The following CDH18 variants were observed in gnomAD, a reference collection of about 807,000 sequenced individuals.
The protein encoded by CDH18 is cadherin-18.
A neutral mutation model predicts 67.9 loss-of-function variants in CDH18; 31 were observed. The ratio of observed to expected loss-of-function variants is 0.46; its 90% confidence interval spans 0.34 to 0.62. The LOEUF (loss-of-function observed/expected upper bound fraction) is 0.62, where lower values mean the gene tolerates loss of function less well. Among genes scored for constraint, CDH18 ranks in the 20% least tolerant of loss-of-function variants. CDH18 has a pLI of 0.01. For missense variants in CDH18, 890 were observed against 975.5 expected, an observed-to-expected ratio of 0.91 and a Z score of 1.17; for synonymous variants, 362 against 347.2, an observed-to-expected ratio of 1.04 and a Z score of -0.48.
chr5:20,509,832 G>A (rs1362991156), intron 1 of CDH18, among the ~76,000 whole-genome samples: 1 of 152,310 alleles, frequency 6.6e-6, no homozygotes, highest in African/African-American at 2.4e-5. Context: ...GGGCTATTGT[G>A]AATAGTGCTG....
At chr5:20,450,959 A>T (rs1388419224) in intron 1 of CDH18, among the ~76,000 whole-genome samples, 1 of 152,174 alleles carries the variant, frequency 6.6e-6, no homozygotes, top group African/African-American at 2.4e-5. Flanking sequence ...TTATAAAACC[A>T]TCAGATCTAT....
chr5:20,203,059 T>C (rs6878332), intron 2 of CDH18, among the ~76,000 whole-genome samples: 16,248 of 151,968 alleles, frequency 0.11, 1,207 homozygotes, highest in African/African-American at 0.2. Flanking sequence ...AGTAAGAGAA[T>C]TGGACTTCTA....
intron 2 of CDH18, among the ~76,000 whole-genome samples, chr5:20,028,626 A>G (rs1739122077): frequency 6.6e-6 from 1 of 152,264 alleles, no homozygotes; most frequent in Admixed American, 6.5e-5. Flanking sequence ...GATAGTTCCT[A>G]AAGCCACTTA....
intron 5 of CDH18, among the ~76,000 whole-genome samples, chr5:19,651,774 T>G (rs2150270406): frequency 6.6e-6 from 1 of 152,228 alleles, no homozygotes; most frequent in South Asian, 2.1e-4. Context: ...ACAATAATTA[T>G]CAGTCTAAAT....
Position 19,680,750 on chromosome 5 carries a change from C to T in CDH18, c.643+40597G>A, listed in dbSNP as rs114121587. On this transcript the variant is annotated intron_variant, in intron 5 of 12. Transcript: ENST00000382275. ...CACACCAGACAGAATAAAAAAATTA[C>T]AAAGTCTAAAAATATGCTGGTGAGG... is the stretch of plus-strand genomic sequence containing the variant. 6.3e-3 allele frequency among the ~76,000 whole-genome samples: 956 copies of T among 151,730 alleles called. 10 individuals are homozygous for T. The highest frequency in any genetic ancestry group is 0.022 in the African/African-American group (913 of 41,454).
chr5:19,942,595 G>A (rs1466879234), intron 2 of CDH18, among the ~76,000 whole-genome samples: 2 of 152,126 alleles, frequency 1.3e-5, no homozygotes, highest in African/African-American at 2.4e-5. Flanking sequence ...ATGTTTTCCT[G>A]AAACAAGTAA....
rs552413714 is a variant in CDH18, at chr5:19,803,723, T to C, written c.228+35036A>G. The C allele has an allele frequency of 5.9e-5, 9 of 152,348 alleles. No individual in the cohort carries two copies. In the East Asian group the frequency reaches 1.7e-3, roughly 29 times the overall value. 9.4% of individuals were successfully genotyped at this position (152,348 alleles called of 1,614,324 possible). ...AATACATTTCTTATTTTACATTTTA[T>C]TTTATATTTCTGATTAAGCTAGCTA... On this transcript the variant is annotated intron_variant, in intron 3 of 12. Transcript: ENST00000382275.
At chr5:19,972,766 T>C (rs1487163747) in intron 2 of CDH18, among the ~76,000 whole-genome samples, 2 of 151,990 alleles carry the variant, frequency 1.3e-5, no homozygotes, top group Admixed American at 6.6e-5. Context: ...ACAATTCTAC[T>C]TACAATATAC....
intron 3 of CDH18, among the ~76,000 whole-genome samples, chr5:19,837,229 G>A (rs1287372562): frequency 2.0e-5 from 3 of 151,990 alleles, no homozygotes; most frequent in African/African-American, 7.3e-5. Flanking sequence ...TGGACACAGA[G>A]TGGGAAAAAA....
chr5:20,251,175 A>G (rs1349481030), intron 2 of CDH18, among the ~76,000 whole-genome samples: 1 of 152,186 alleles, frequency 6.6e-6, no homozygotes, highest in Non-Finnish European at 1.5e-5. Context: ...GTGTACAATT[A>G]CCTACAGACT....
At chr5:20,072,036 T>G (rs1035708543) in intron 2 of CDH18, among the ~76,000 whole-genome samples, 1 of 152,108 alleles carries the variant, frequency 6.6e-6, no homozygotes, top group African/African-American at 2.4e-5. Context: ...TTAACAAAAC[T>G]AACACAGGAT....
rs562645659 is a variant in CDH18 at position 19,808,881 on chromosome 5, C to T, written c.228+29878G>A. ...GGAAAAGAAATAGAAAATCAGTCTA[C>T]AATTAGTTATAAAGAAAAACAATTT... On this transcript the variant is annotated intron_variant, in intron 3 of 12. Transcript: ENST00000382275. 8.9e-4 allele frequency among the ~76,000 whole-genome samples: 122 copies of T among 137,050 alleles called. 1 individual carries two copies. The highest frequency in any genetic ancestry group is 2.7e-3 in the African/African-American group (100 of 37,618). The allele number at this position is 137,050 out of a possible 152,430, so 89.9% of individuals were successfully genotyped here. A position where few individuals can be genotyped will look rare whatever the true frequency, so the allele number is the denominator to read the frequency against.
At chr5:19,487,348 T>C (rs1740573266) in intron 11 of CDH18, among the ~76,000 whole-genome samples, 1 of 152,192 alleles carries the variant, frequency 6.6e-6, no homozygotes, top group Admixed American at 6.5e-5. Context: ...TCTGCTTCTC[T>C]TTATTGAAAG....
At chr5:19,851,298 A>C (rs1255228146) in intron 2 of CDH18, among the ~76,000 whole-genome samples, 2 of 151,430 alleles carry the variant, frequency 1.3e-5, no homozygotes, top group Admixed American at 6.6e-5. Context: ...CTCTAGGTCT[A>C]TATTTTTGTT....
chr5:19,638,564 T>C (rs1753499465), intron 5 of CDH18, among the ~76,000 whole-genome samples: 1 of 152,006 alleles, frequency 6.6e-6, no homozygotes, highest in Non-Finnish European at 1.5e-5. Flanking sequence ...TTTCTTTTTT[T>C]TTTAATGAGC....
chr5:19,742,407 TAC>T (rs5866397), intron 4 of CDH18, among the ~76,000 whole-genome samples: 49 of 149,278 alleles, frequency 3.3e-4, no homozygotes, highest in Admixed American at 4.7e-4. Context: ...CACGCATGGG[TAC>T]ACACACACAC....
chr5:19,685,105 G>A lies in CDH18; in HGVS notation c.643+36242C>T, dbSNP rs115404013. On this transcript the variant is annotated intron_variant, in intron 5 of 12. Coordinates refer to ENST00000382275, the MANE Select transcript of CDH18 (RefSeq NM_004934.5). ...TCTTGCACTTTAACCTACTTCTGTG[G>A]AACCAAAGAGAAATCAAGGCCCTCT... Among the ~76,000 whole-genome samples, 1,136 of 152,220 alleles carry A rather than the reference G, an allele frequency of 7.5e-3. 15 individuals are homozygous for A. Among genetic ancestry groups the A allele is most frequent in the African/African-American group, 0.026 (1,077 of 41,540 alleles).
At chr5:19,536,056 ATT>A (rs1749363591) in intron 9 of CDH18, among the ~76,000 whole-genome samples, 1 of 152,152 alleles carries the variant, frequency 6.6e-6, no homozygotes, top group Non-Finnish European at 1.5e-5. Context: ...AGCAAATTAT[ATT>A]TATGTATTTA....
intron 2 of CDH18, among the ~76,000 whole-genome samples, chr5:20,240,132 T>C (rs1742783821): frequency 1.3e-5 from 2 of 151,982 alleles, no homozygotes; most frequent in African/African-American, 2.4e-5. Context: ...CTACATGTTG[T>C]GCACATGTAC....
Sources: gnomAD v4.1 joint callset for allele counts (sites outside exome capture counted in the v4.1 genomes callset) on GRCh38, gnomAD v4.1.1 for gene constraint, MANE v1.5 for transcripts, NCBI Gene and HGNC (gene_info 2026-07-23, HGNC 2026-07-21) for gene names.